The following NALF1 variants were observed in gnomAD, a reference collection of about 807,000 sequenced individuals.
The protein encoded by NALF1 is NALCN channel auxiliary factor 1.
In NALF1, 3 loss-of-function variants were observed where a neutral mutation model predicts 48.4. The observed-to-expected ratio is 0.06, with a 90% CI of 0.03 to 0.16. The LOEUF (loss-of-function observed/expected upper bound fraction) is 0.16, where lower values mean the gene tolerates loss of function less well. NALF1 is among the 10% of genes least tolerant of loss of function. The probability of loss-of-function intolerance (pLI) is 1.00; values close to 1 mark genes in which losing one functional copy is unlikely to be tolerated. For missense variants in NALF1, 526 were observed against 571.5 expected (o/e 0.92, Z 0.81); for synonymous variants, 262 against 245.7 (o/e 1.07, Z -0.62).
chr13:107,558,776 C>A (rs984744406), intron 1 of NALF1, among the ~76,000 whole-genome samples: 5 of 152,180 alleles, frequency 3.3e-5, no homozygotes, highest in African/African-American at 1.2e-4. Context: ...ACCTGCCTCG[C>A]CCCTGCCTGT....
At chr13:107,380,977 CAAAA>C (rs1216225434) in intron 1 of NALF1, among the ~76,000 whole-genome samples, 2 of 53,406 alleles carry the variant, frequency 3.7e-5, no homozygotes. Context: ...GACACGGTCT[CAAAA>C]AAAAAAAAAA....
chr13:107,319,921 T>C (rs1882221724), intron 1 of NALF1, among the ~76,000 whole-genome samples: 1 of 152,104 alleles, frequency 6.6e-6, no homozygotes, highest in African/African-American at 2.4e-5. Context: ...AAGCTGGAGT[T>C]AATGGAATGA....
chr13:107,453,254 G>A (rs757459548), intron 1 of NALF1, among the ~76,000 whole-genome samples: 8 of 152,194 alleles, frequency 5.3e-5, no homozygotes, highest in Non-Finnish European at 1.0e-4. Flanking sequence ...TTCCCTAGCA[G>A]AGGTTCTCCA....
At chr13:107,517,656 C>A (rs1270424839) in intron 1 of NALF1, among the ~76,000 whole-genome samples, 3 of 144,778 alleles carry the variant, frequency 2.1e-5, no homozygotes, top group Middle Eastern at 4.7e-3. Context: ...AACAAACAAA[C>A]AAACAAAAAA....
At chr13:107,456,396 G>T (rs1474273709) in intron 1 of NALF1, among the ~76,000 whole-genome samples, 2 of 152,156 alleles carry the variant, frequency 1.3e-5, no homozygotes, top group Admixed American at 1.3e-4. Context: ...CATCGTCTGT[G>T]TGACAACTTA....
At chr13:107,655,188 C>T (rs1407908562) in intron 1 of NALF1, among the ~76,000 whole-genome samples, 1 of 151,924 alleles carries the variant, frequency 6.6e-6, no homozygotes, top group African/African-American at 2.4e-5. Flanking sequence ...GGATGCAAAT[C>T]GGTAAAGAGG....
chr13:107,693,833 C>T (rs1881631572), intron 1 of NALF1, among the ~76,000 whole-genome samples: 1 of 152,132 alleles, frequency 6.6e-6, no homozygotes, highest in African/African-American at 2.4e-5. Flanking sequence ...TTGGAGGCCA[C>T]GGTCCTTTCT....
intron 1 of NALF1, among the ~76,000 whole-genome samples, chr13:107,299,168 T>C (rs1009376911): frequency 2.6e-5 from 4 of 152,176 alleles, no homozygotes; most frequent in African/African-American, 9.7e-5. Flanking sequence ...GCAAGACTCC[T>C]ACAGCAGTGA....
At chr13:107,464,526 T>A (rs1015858053) in intron 1 of NALF1, among the ~76,000 whole-genome samples, 27 of 152,220 alleles carry the variant, frequency 1.8e-4, no homozygotes, top group Admixed American at 2.6e-4. Flanking sequence ...ATTTTTTTTT[T>A]AATTTTTTTT....
intron 1 of NALF1, among the ~76,000 whole-genome samples, chr13:107,665,841 T>C (rs1349263943): frequency 6.6e-6 from 1 of 152,174 alleles, no homozygotes. Flanking sequence ...ATGAGCTCCA[T>C]CAAGGTCAAG....
intron 1 of NALF1, among the ~76,000 whole-genome samples, chr13:107,520,025 ATTT>A (rs1356082694): frequency 6.6e-6 from 1 of 152,304 alleles, no homozygotes; most frequent in Non-Finnish European, 1.5e-5. Context: ...GTAAGGATTA[ATTT>A]TTTAATGCTT....
Position 107,682,081 on chromosome 13 carries a change from T to G in NALF1, c.915+183601A>C, listed in dbSNP as rs568731199. ...TGGGAACATATTAAAACACAATTGC[T>G]GGACAAGTTACAAGGTTGAAATATG... On this transcript the variant is annotated intron_variant, in intron 1 of 2. Transcript: ENST00000375915. Among the ~76,000 whole-genome samples the G allele has an allele frequency of 1.1e-4, 16 of 152,276 alleles. No individual in the cohort carries two copies. In the South Asian group the frequency reaches 2.9e-3, roughly 28 times the overall value.
intron 1 of NALF1, among the ~76,000 whole-genome samples, chr13:107,776,914 G>A (rs573371500): frequency 9.2e-5 from 14 of 152,184 alleles, no homozygotes; most frequent in African/African-American, 3.4e-4. Context: ...AATGTAGGAG[G>A]ATCCTATCTG....
intron 1 of NALF1, among the ~76,000 whole-genome samples, chr13:107,244,817 A>T (rs938399615): frequency 2.0e-5 from 3 of 152,236 alleles, no homozygotes; most frequent in Admixed American, 1.3e-4. Context: ...GTTCAAAGAA[A>T]GACATGCTCA....
At chr13:107,287,988 G>A (rs1275044351) in intron 1 of NALF1, among the ~76,000 whole-genome samples, 3 of 151,848 alleles carry the variant, frequency 2.0e-5, no homozygotes, top group Admixed American at 2.0e-4. Flanking sequence ...GATTACAGGC[G>A]TGAGCCACCA....
intron 1 of NALF1, among the ~76,000 whole-genome samples, chr13:107,540,699 T>C (rs1368898564): frequency 6.6e-6 from 1 of 152,108 alleles, no homozygotes; most frequent in Non-Finnish European, 1.5e-5. Flanking sequence ...ACTCTAAACA[T>C]TTTATACAAA....
At chr13:107,434,076 T>C (rs1032936763) in intron 1 of NALF1, among the ~76,000 whole-genome samples, 9 of 152,238 alleles carry the variant, frequency 5.9e-5, no homozygotes, top group Non-Finnish European at 1.2e-4. Context: ...ATTTCTGCTC[T>C]ACTAAAAGAT....
At chr13:107,312,342 T>A (rs1882062606) in intron 1 of NALF1, among the ~76,000 whole-genome samples, 1 of 151,962 alleles carries the variant, frequency 6.6e-6, no homozygotes, top group Admixed American at 6.6e-5. Flanking sequence ...AAACACTGCA[T>A]GTTCTCACTC....
At chr13:107,491,703 T>C (rs1006590484) in intron 1 of NALF1, among the ~76,000 whole-genome samples, 1 of 152,198 alleles carries the variant, frequency 6.6e-6, no homozygotes, top group African/African-American at 2.4e-5. Flanking sequence ...GTTTGTGCCA[T>C]ATTCTCACTA....
Sources: allele counts gnomAD v4.1 joint callset (sites outside exome capture counted in the v4.1 genomes callset), GRCh38; gene constraint gnomAD v4.1.1; transcripts MANE v1.5; gene names NCBI Gene and HGNC (gene_info 2026-07-23, HGNC 2026-07-21).